The following NAP1L4 variants were observed in gnomAD, a reference collection of about 807,000 sequenced individuals.
NAP1L4 encodes nucleosome assembly protein 1 like 4.
A neutral mutation model predicts 58.2 loss-of-function variants in NAP1L4; 15 were observed. That is an observed-to-expected ratio of 0.26 (90% CI 0.17 to 0.40). The LOEUF (loss-of-function observed/expected upper bound fraction) is 0.40, where lower values mean the gene tolerates loss of function less well. NAP1L4 is among the 10% of genes least tolerant of loss of function. The pLI, the probability that NAP1L4 is intolerant of heterozygous loss-of-function variation, is 1.00. For missense variants in NAP1L4, 384 were observed against 451.1 expected, an observed-to-expected ratio of 0.85 and a Z score of 1.35; for synonymous variants, 171 against 155.6, an observed-to-expected ratio of 1.10 and a Z score of -0.74.
intron 7 of NAP1L4, among the ~76,000 whole-genome samples, chr11:2,966,705 T>A (rs1847305128): frequency 6.6e-6 from 1 of 152,212 alleles, no homozygotes; most frequent in African/African-American, 2.4e-5. Context: ...ATGCTGCGCG[T>A]GCCACCCACA....
rs1482196495 is a variant in NAP1L4 at position 2,948,608 on chromosome 11, A to G, written c.*32+619T>C. 6.6e-6 allele frequency among the ~76,000 whole-genome samples: 1 copy of G among 152,214 alleles called. No homozygotes were observed. Among genetic ancestry groups the G allele is most frequent in the Non-Finnish European group, 1.5e-5 (1 of 68,042 alleles). Reference sequence around the variant, plus strand: ...TCCAGGCTTACTGACACTCACTTTCATCTACAACTGGTTCTTGCTTCATTC... The same window carrying G: ...TCCAGGCTTACTGACACTCACTTTCGTCTACAACTGGTTCTTGCTTCATTC... On this transcript the variant is annotated intron_variant, in intron 15 of 15. Coordinates refer to ENST00000380542, the MANE Select transcript of NAP1L4 (RefSeq NM_005969.4). This position sits in a 1 kb window ranked among gnomAD's most constrained non-coding sequence, Gnocchi z 5.1.
intron 8 of NAP1L4, among the ~76,000 whole-genome samples, chr11:2,960,552 C>T (rs11024758): frequency 0.14 from 21,162 of 152,148 alleles, 1,554 homozygotes; most frequent in Middle Eastern, 0.17. Context: ...TTCATGCTCA[C>T]GAGTAACAAA....
At chr11:2,961,755 C>T (rs1324340443) in intron 8 of NAP1L4, among the ~76,000 whole-genome samples, 1 of 152,168 alleles carries the variant, frequency 6.6e-6, no homozygotes, top group East Asian at 1.9e-4. Flanking sequence ...TGGTCTTGAA[C>T]TCCTGGGGTC....
intron 3 of NAP1L4, among the ~76,000 whole-genome samples, chr11:2,977,232 T>C (rs536711388): frequency 1.1e-4 from 16 of 152,264 alleles, no homozygotes; most frequent in Non-Finnish European, 2.2e-4. Flanking sequence ...AGAGGATATC[T>C]ACACGTGCCT....
At chr11:2,984,251 C>T (rs1848497227) in intron 1 of NAP1L4, among the ~76,000 whole-genome samples, 1 of 151,644 alleles carries the variant, frequency 6.6e-6, no homozygotes, top group South Asian at 2.1e-4. Context: ...CAACCCAAAC[C>T]CAGCCCTAGT....
intron 1 of NAP1L4, among the ~76,000 whole-genome samples, chr11:2,979,465 A>C (rs1304364387): frequency 6.6e-6 from 1 of 152,156 alleles, no homozygotes; most frequent in Admixed American, 6.5e-5. Context: ...CATCACACAC[A>C]AACTTTACTC....
chr11:2,991,308 G>A (rs373294901), intron 1 of NAP1L4: 2 of 329,716 alleles, frequency 6.1e-6, no homozygotes, highest in Admixed American at 3.7e-5. Flanking sequence ...TGGGGTGAAC[G>A]GAAAGCATTC....
chr11:2,945,432 T>A lies in NAP1L4; in HGVS notation c.*247A>T. 1 of 628,548 alleles carries A rather than the reference T, an allele frequency of 1.6e-6. No homozygotes were observed. The highest frequency in any genetic ancestry group is 1.8e-5 in the African/African-American group (1 of 54,214). The allele number at this position is 628,548 out of a possible 1,614,324, so 38.9% of individuals were successfully genotyped here. A position where few individuals can be genotyped will look rare whatever the true frequency, so the allele number is the denominator to read the frequency against. ...CTGAAATGCATTTCAGTTGCCACTG[T>A]ACAAGTTAAGCAAAATAATAAGGAA... On this transcript the variant is annotated 3_prime_UTR_variant, in exon 16 of 16. Coordinates refer to ENST00000380542, the MANE Select transcript of NAP1L4 (RefSeq NM_005969.4).
At chr11:2,962,267 A>C (rs1271909116) in intron 8 of NAP1L4, among the ~76,000 whole-genome samples, 1 of 152,256 alleles carries the variant, frequency 6.6e-6, no homozygotes, top group Non-Finnish European at 1.5e-5. Context: ...GAGGTGGGGC[A>C]TGTAGGGGAA....
rs1473183976 is a variant in NAP1L4, at chr11:2,959,065, C to T, written c.747-521G>A. On this transcript the variant is annotated intron_variant, in intron 9 of 15. Transcript: ENST00000380542. The surrounding 1 kb of genome is among the most constrained non-coding windows in gnomAD (Gnocchi z 4.9). ...CAATCACCACAGACCCAGGCAACAC[C>T]TGGCAGATCTCAATACTGCCCGCTT... is the stretch of plus-strand genomic sequence containing the variant. 1 of 158,564 alleles carries T rather than the reference C, an allele frequency of 6.3e-6. No individual in the cohort carries two copies. The highest frequency in any genetic ancestry group is 1.4e-5 in the Non-Finnish European group (1 of 71,572). 9.8% of individuals were successfully genotyped at this position (158,564 alleles called of 1,614,324 possible). A position where few individuals can be genotyped will look rare whatever the true frequency, so the allele number is the denominator to read the frequency against.
In NAP1L4 at chr11:2,972,256, G is replaced by C. The variant is rs371087618; in HGVS notation, c.174-13C>G. The C allele has an allele frequency of 6.3e-5, 101 of 1,590,900 alleles. No individual in the cohort carries two copies. The highest frequency in any genetic ancestry group is 5.4e-5 in the Non-Finnish European group (63 of 1,172,840). ...TGCTTTAGGTAAACTAAAAAAGGGA[G>C]TAAGAAATACAACATCCTCATGCCT... is the stretch of plus-strand genomic sequence containing the variant. On this transcript the variant is annotated splice_polypyrimidine_tract_variant and intron_variant, in intron 4 of 15. Coordinates refer to ENST00000380542, the MANE Select transcript of NAP1L4 (RefSeq NM_005969.4).
At chr11:2,953,319 A>T (rs1409312506) in intron 12 of NAP1L4, among the ~76,000 whole-genome samples, 1 of 152,270 alleles carries the variant, frequency 6.6e-6, no homozygotes, top group Admixed American at 6.5e-5. Flanking sequence ...CGGGTGTATG[A>T]TCAAAACAGT....
chr11:2,954,720 C>G lies in NAP1L4; in HGVS notation c.916-74G>C. On this transcript the variant is annotated intron_variant, in intron 11 of 15. Coordinates refer to ENST00000380542, the MANE Select transcript of NAP1L4 (RefSeq NM_005969.4). The surrounding 1 kb of genome is among the most constrained non-coding windows in gnomAD (Gnocchi z 4.8). ...ATTCACTTCACCACCCTCAGCCAAA[C>G]CTCAGCCCCTCACTTTTGATTTACT... 6.3e-7 allele frequency: 1 copy of G among 1,585,576 alleles called. No homozygotes were observed.
At chr11:2,979,119 T>C in intron 2 of NAP1L4, 88 bp downstream of exon 2, 1 of 1,357,788 alleles carries the variant, frequency 7.4e-7, no homozygotes, top group Non-Finnish European at 1.0e-6. Flanking sequence ...CATTTAACTT[T>C]GATTCTAATT....
intron 1 of NAP1L4, among the ~76,000 whole-genome samples, chr11:2,980,931 A>T (rs1194568494): frequency 1.6e-5 from 2 of 122,460 alleles, no homozygotes; most frequent in East Asian, 4.1e-4. Context: ...TGAAAACCAA[A>T]AAGAAAAAAA....
At chr11:2,972,400 G>A in intron 4 of NAP1L4, 157 bp from the exon 5 acceptor site, 18 of 476,078 alleles carry the variant, frequency 3.8e-5, no homozygotes, top group South Asian at 1.5e-4. Context: ...TACCCCAACA[G>A]GAAAAAAAGG....
chr11:2,980,953 GCA>G (rs1273833167), intron 1 of NAP1L4, among the ~76,000 whole-genome samples: 6 of 151,518 alleles, frequency 4.0e-5, no homozygotes, highest in Non-Finnish European at 5.9e-5. Context: ...AATGCAGCAG[GCA>G]CAGTGGTTCA....
chr11:2,958,875 G>T (rs1372466633), intron 9 of NAP1L4: 2 of 268,270 alleles, frequency 7.5e-6, no homozygotes, highest in Non-Finnish European at 1.4e-5. Flanking sequence ...CTTGTCCGCG[G>T]TTTCCCAAGG....
chr11:2,979,345 A>T, intron 1 of NAP1L4, 108 bp from the exon 2 acceptor site: 1 of 860,954 alleles, frequency 1.2e-6, no homozygotes. Context: ...TAGAAGGGAC[A>T]GGAGGGAACT....
Sources: allele counts gnomAD v4.1 joint callset (sites outside exome capture counted in the v4.1 genomes callset), GRCh38; gene constraint gnomAD v4.1.1; non-coding constraint Gnocchi (gnomAD v3.1); transcripts MANE v1.5; gene names NCBI Gene and HGNC (gene_info 2026-07-23, HGNC 2026-07-21).